ATXN1L: variants seen among roughly 807,000 people sequenced by gnomAD.
The protein encoded by ATXN1L is ataxin 1 like.
Under a neutral mutation model 43.4 loss-of-function variants are expected in ATXN1L, and 8 were observed. The observed-to-expected ratio is 0.18, with a 90% CI of 0.11 to 0.33. ATXN1L has a LOEUF of 0.33. ATXN1L is among the 10% of genes least tolerant of loss of function. ATXN1L has a pLI of 1.00. For missense variants in ATXN1L, 856 were observed against 885.4 expected (o/e 0.97, Z 0.42); for synonymous variants, 379 against 360.6 (o/e 1.05, Z -0.58).
In ATXN1L at chr16:71,850,322, G is replaced by A. The variant is rs1194464002; in HGVS notation, c.582G>A (p.Pro194=). 3.9e-6 allele frequency: 6 copies of A among 1,551,274 alleles called. No homozygotes were observed. Among genetic ancestry groups the A allele is most frequent in the African/African-American group, 1.4e-5 (1 of 72,902 alleles). ...CTCCTCCCCCACAGGCTCCCTCCCC[G>A]GCCCACTCATTTAACAAAGCTCCCT... ...GATPPPQAPS[P]AHSFNKAPSA... Residue 194 remains proline, a synonymous_variant, in exon 3 of 3, where the codon CCG becomes CCA. Coordinates refer to ENST00000427980, the MANE Select transcript of ATXN1L (RefSeq NM_001137675.4).
Position 71,850,030 on chromosome 16 carries a change from T to C in ATXN1L, c.290T>C (p.Leu97Pro), listed in dbSNP as rs554712997. Residue 97 changes from leucine to proline, a missense_variant, in exon 3 of 3, where the codon CTC becomes CCC. Around this residue, in one of 7 missense-constraint regions of ATXN1L, gnomAD observed 93 missense variants for 113.4 expected, o/e 0.82. Coordinates refer to ENST00000427980, the MANE Select transcript of ATXN1L (RefSeq NM_001137675.4). Reference protein sequence around the residue: ...VPPATFSPTGLPSVVNMSPLP... With the variant: ...VPPATFSPTGPPSVVNMSPLP... ...CCTGCCACCTTTTCACCAACTGGAC[T>C]CCCATCTGTGGTGAATATGAGTCCC... 20 of 1,551,676 alleles carry C rather than the reference T, an allele frequency of 1.3e-5. No individual in the cohort carries two copies. Among genetic ancestry groups the C allele is most frequent in the Non-Finnish European group, 1.6e-5 (18 of 1,146,996 alleles).
chr16:71,855,570 T>G lies in ATXN1L; in HGVS notation c.*3760T>G, dbSNP rs11867138. On this transcript the variant is annotated 3_prime_UTR_variant, in exon 3 of 3. Coordinates refer to ENST00000427980, the MANE Select transcript of ATXN1L (RefSeq NM_001137675.4). Reference sequence around the variant, plus strand: ...TTTAGGGGGAAGCACAGGATGGTGGTGTGGTTTAAACCTGCAGCAAGCAGG... The same window carrying G: ...TTTAGGGGGAAGCACAGGATGGTGGGGTGGTTTAAACCTGCAGCAAGCAGG... 6.0e-6 allele frequency: 1 copy of G among 167,068 alleles called. No individual in the cohort carries two copies. Among genetic ancestry groups the G allele is most frequent in the Non-Finnish European group, 1.5e-5 (1 of 68,132 alleles). 10.3% of individuals were successfully genotyped at this position (167,068 alleles called of 1,614,324 possible). A position where few individuals can be genotyped will look rare whatever the true frequency, so the allele number is the denominator to read the frequency against.
rs1467782774 is a variant in ATXN1L at position 71,849,685 on chromosome 16, G to A, written c.-56G>A. ...GGGAAGCTACAGAGAAGCCCCTTCTGATGCCCCAGGGAGCAAGTCGACTCC... is the reference window on the plus strand; with the variant it reads ...GGGAAGCTACAGAGAAGCCCCTTCTAATGCCCCAGGGAGCAAGTCGACTCC... On this transcript the variant is annotated 5_prime_UTR_variant, in exon 3 of 3. The change abolishes the stop of an existing upstream ORF in the 5' untranslated region. Transcript: ENST00000427980. 4 of 1,452,750 alleles carry A rather than the reference G, an allele frequency of 2.8e-6. No homozygotes were observed. Among genetic ancestry groups the A allele is most frequent in the Non-Finnish European group, 3.6e-6 (4 of 1,099,824 alleles). 90.0% of individuals were successfully genotyped at this position (1,452,750 alleles called of 1,614,324 possible).
rs537415859 is a variant in ATXN1L, at chr16:71,851,813, C to G, written c.*3C>G. 2.1e-6 allele frequency: 3 copies of G among 1,430,416 alleles called. No homozygotes were observed. The highest frequency in any genetic ancestry group is 2.5e-5 in the East Asian group (1 of 39,394). The allele number at this position is 1,430,416 out of a possible 1,614,324, so 88.6% of individuals were successfully genotyped here. On this transcript the variant is annotated 3_prime_UTR_variant, in exon 3 of 3. Transcript: ENST00000427980. This position sits in a 1 kb window ranked among gnomAD's most constrained non-coding sequence, Gnocchi z 4.9. Reference sequence around the variant, plus strand: ...GGCGTTCCAATGCGGGAAAATGAACCTCTTCCCCAGACCAGGACTGGGGCT... The same window carrying G: ...GGCGTTCCAATGCGGGAAAATGAACGTCTTCCCCAGACCAGGACTGGGGCT...
At chr16:71,847,350 A>G (rs1397015477) in intron 1 of ATXN1L, among the ~76,000 whole-genome samples, 1 of 152,146 alleles carries the variant, frequency 6.6e-6, no homozygotes, top group East Asian at 1.9e-4. Flanking sequence ...GGACCAAGGC[A>G]ATATTTTCAG....
At position 71,849,704 on chromosome 16, in the gene ATXN1L, C is replaced by G. The variant is rs1179015353; in HGVS notation, c.-37C>G. ...CCTTCTGATGCCCCAGGGAGCAAGT[C>G]GACTCCTTCCAGGCTCCAGGAACAC... On this transcript the variant is annotated 5_prime_UTR_variant, in exon 3 of 3. Transcript: ENST00000427980. 2 of 1,462,458 alleles carry G rather than the reference C, an allele frequency of 1.4e-6. No individual in the cohort carries two copies. Among genetic ancestry groups the G allele is most frequent in the East Asian group, 5.0e-5 (2 of 40,092 alleles). The allele number at this position is 1,462,458 out of a possible 1,614,324, so 90.6% of individuals were successfully genotyped here.
At position 71,852,235 on chromosome 16, in the gene ATXN1L, T is replaced by G. The variant is rs1377041679; in HGVS notation, c.*425T>G. The G allele has an allele frequency of 5.9e-6, 1 of 169,196 alleles. No homozygotes were observed. Among genetic ancestry groups the G allele is most frequent in the East Asian group, 1.9e-4 (1 of 5,272 alleles). 10.5% of individuals were successfully genotyped at this position (169,196 alleles called of 1,614,324 possible). On this transcript the variant is annotated 3_prime_UTR_variant, in exon 3 of 3. Coordinates refer to ENST00000427980, the MANE Select transcript of ATXN1L (RefSeq NM_001137675.4). ...AGTAGCAGTTAAACTGTCAGAAGTT[T>G]TTTTTCTTTTTTGTGGTAGAAGGGC...
chr16:71,856,226 G>A lies in ATXN1L; in HGVS notation c.*4416G>A, dbSNP rs1271547508. 6.0e-6 allele frequency: 1 copy of A among 167,120 alleles called. No homozygotes were observed. Among genetic ancestry groups the A allele is most frequent in the Admixed American group, 6.5e-5 (1 of 15,278 alleles). The allele number at this position is 167,120 out of a possible 1,614,324, so 10.4% of individuals were successfully genotyped here. ...TTTCACACTAAAGGTTTCTTTATTAGTTCTCCAGTTAAACCTAGATCCCTC... is the reference window on the plus strand; with the variant it reads ...TTTCACACTAAAGGTTTCTTTATTAATTCTCCAGTTAAACCTAGATCCCTC... On this transcript the variant is annotated 3_prime_UTR_variant, in exon 3 of 3. Coordinates refer to ENST00000427980, the MANE Select transcript of ATXN1L (RefSeq NM_001137675.4).
chr16:71,851,426 A>C lies in ATXN1L; in HGVS notation c.1686A>C (p.Gln562His), dbSNP rs1410878853. The change falls in exon 3 of 3, where the codon CAA becomes CAC. Residue 562 changes from glutamine (Q) to histidine (H), a missense_variant. Physicochemically the swap from Gln to His is conservative, Grantham distance 24. Around this residue, in one of 7 missense-constraint regions of ATXN1L, gnomAD observed 185 missense variants for 176.8 expected, o/e 1.05. Transcript: ENST00000427980. The surrounding 1 kb of genome is among the most constrained non-coding windows in gnomAD (Gnocchi z 4.9). Reference protein sequence around the residue: ...WSSCSPGRTTQLFSLPCHRLQ... With the variant: ...WSSCSPGRTTHLFSLPCHRLQ... ...CTTGCAGCCCTGGGCGGACGACACA[A>C]CTCTTCTCTCTGCCCTGCCATCGGC... 3.2e-6 allele frequency: 5 copies of C among 1,550,530 alleles called. No homozygotes were observed. The highest frequency in any genetic ancestry group is 4.4e-6 in the Non-Finnish European group (5 of 1,146,758).
intron 2 of ATXN1L, among the ~76,000 whole-genome samples, chr16:71,849,145 C>T (rs71386937): frequency 7.7e-6 from 1 of 130,530 alleles, no homozygotes; most frequent in East Asian, 2.6e-4. Context: ...ACCCGGGAGG[C>T]GAGGTTGCGG....
At position 71,851,033 on chromosome 16, in the gene ATXN1L, T is replaced by C. The variant is rs1259068304; in HGVS notation, c.1293T>C (p.Pro431=). ...CTGGAACTGACTCAGGCCTGCTGCC[T>C]GTGGGCTCGGAGATCCTGGTAGCAT... is the stretch of plus-strand genomic sequence containing the variant. ...VPTGTDSGLL[P]VGSEILVASS... is the part of the protein sequence containing the mutation. Residue 431 remains proline (P), a synonymous_variant, in exon 3 of 3, where the codon CCT becomes CCC. Transcript: ENST00000427980. The surrounding 1 kb of genome is among the most constrained non-coding windows in gnomAD (Gnocchi z 4.9). 2 of 1,551,422 alleles carry C rather than the reference T, an allele frequency of 1.3e-6. No homozygotes were observed. The highest frequency in any genetic ancestry group is 2.0e-5 in the Admixed American group (1 of 50,966).
intron 2 of ATXN1L, among the ~76,000 whole-genome samples, chr16:71,849,104 C>T (rs2033470998): frequency 6.7e-6 from 1 of 148,190 alleles, no homozygotes; most frequent in South Asian, 2.2e-4. Flanking sequence ...GTCCCAGCTG[C>T]TTGGGAGGCT....
chr16:71,849,976 A>G lies in ATXN1L; in HGVS notation c.236A>G (p.Tyr79Cys), dbSNP rs1182986392. The change falls in exon 3 of 3, where the codon TAT (tyrosine) becomes TGT (cysteine). Residue 79 changes from tyrosine to cysteine, a missense_variant. Physicochemically the swap from Tyr to Cys is radical, Grantham distance 194. Transcript: ENST00000427980. Reference protein sequence around the residue: ...EAITGLTVDQYGMLYKVAVPP... With the variant: ...EAITGLTVDQCGMLYKVAVPP... ...ATCACCGGTCTGACAGTGGACCAGT[A>G]TGGCATGCTGTATAAGGTGGCTGTG... The G allele has an allele frequency of 6.4e-7, 1 of 1,551,634 alleles. No homozygotes were observed. Among genetic ancestry groups the G allele is most frequent in the Non-Finnish European group, 8.7e-7 (1 of 1,146,958 alleles).
rs1164265873 is a variant in ATXN1L at position 71,849,993 on chromosome 16, G to A, written c.253G>A (p.Val85Met). The change falls in exon 3 of 3, where the codon GTG becomes ATG. Residue 85 changes from valine to methionine, a missense_variant. This residue lies in a region of ATXN1L where 93 missense variants were observed against 113.4 expected (regional missense o/e 0.82). Coordinates refer to ENST00000427980, the MANE Select transcript of ATXN1L (RefSeq NM_001137675.4). ...TVDQYGMLYK[V>M]AVPPATFSPT... ...GGACCAGTATGGCATGCTGTATAAG[G>A]TGGCTGTGCCGCCTGCCACCTTTTC... The A allele has an allele frequency of 6.4e-7, 1 of 1,551,668 alleles. No individual in the cohort carries two copies. The highest frequency in any genetic ancestry group is 2.0e-5 in the Admixed American group (1 of 50,990).
intron 2 of ATXN1L, 145 bp downstream of exon 2, chr16:71,848,216 G>C: frequency 2.7e-6 from 1 of 373,330 alleles, no homozygotes; most frequent in South Asian, 2.0e-5. Flanking sequence ...CAAAGTTCAT[G>C]TGCACTGAAG....
chr16:71,850,520 G>A lies in ATXN1L; in HGVS notation c.780G>A (p.Gln260=). ...CAGTTCTTACCCCTCAGGAGAGCCA[G>A]TCTGCTCTGGAAGCAGCTGCTGCAA... The part of the protein sequence containing the change: ...ASPVLTPQES[Q]SALEAAAANG... The change falls in exon 3 of 3, where the codon CAG becomes CAA. Residue 260 remains glutamine (Q), a synonymous_variant. Coordinates refer to ENST00000427980, the MANE Select transcript of ATXN1L (RefSeq NM_001137675.4). The A allele has an allele frequency of 6.4e-7, 1 of 1,551,742 alleles. No individual in the cohort carries two copies. Among genetic ancestry groups the A allele is most frequent in the Non-Finnish European group, 8.7e-7 (1 of 1,146,998 alleles).
At position 71,854,314 on chromosome 16, in the gene ATXN1L, AAG is replaced by A. The variant is rs1014113076; in HGVS notation, c.*2508_*2509del. 32 of 167,256 alleles carry A rather than the reference AAG, an allele frequency of 1.9e-4. No individual in the cohort carries two copies. Among genetic ancestry groups the A allele is most frequent in the African/African-American group, 7.0e-4 (29 of 41,592 alleles). The allele number at this position is 167,256 out of a possible 1,614,324, so 10.4% of individuals were successfully genotyped here. A position where few individuals can be genotyped will look rare whatever the true frequency, so the allele number is the denominator to read the frequency against. ...CTGGTAACTTCCACTGAATTCTGGA[AAG>A]AGAAATTCTTGAGGACCCTGGCAAG... is the stretch of plus-strand genomic sequence containing the variant. On this transcript the variant is annotated 3_prime_UTR_variant, in exon 3 of 3. Transcript: ENST00000427980.
Position 71,850,784 on chromosome 16 carries a change from C to G in ATXN1L, c.1044C>G (p.Asp348Glu), listed in dbSNP as rs2033492953. 2 of 1,551,706 alleles carry G rather than the reference C, an allele frequency of 1.3e-6. No individual in the cohort carries two copies. The highest frequency in any genetic ancestry group is 1.7e-6 in the Non-Finnish European group (2 of 1,146,990). ...QRVVGALASQ[D>E]YRVVAAQRKE... The stretch of plus-strand genomic sequence containing the variant: ...TGGTTGGCGCTTTAGCTTCTCAGGA[C>G]TATCGTGTGGTGGCAGCTCAGAGGA... Residue 348 changes from aspartate (D) to glutamate (E), a missense_variant, in exon 3 of 3, where the codon GAC (aspartate) becomes GAG (glutamate). Around this residue, in one of 7 missense-constraint regions of ATXN1L, gnomAD observed 490 missense variants for 449.4 expected, o/e 1.09. Transcript: ENST00000427980.
At chr16:71,846,421 C>G (rs1011874396) in intron 1 of ATXN1L, among the ~76,000 whole-genome samples, 4 of 152,212 alleles carry the variant, frequency 2.6e-5, no homozygotes, top group Non-Finnish European at 5.9e-5. Flanking sequence ...AAGGGTGGAC[C>G]CCCTACTCTC....
Sources: gnomAD v4.1 joint callset for allele counts (sites outside exome capture counted in the v4.1 genomes callset) on GRCh38, gnomAD v4.1.1 for gene constraint, gnomAD v4.1.1 regional missense constraint, Gnocchi (gnomAD v3.1) non-coding constraint, MANE v1.5 for transcripts, NCBI Gene and HGNC (gene_info 2026-07-23, HGNC 2026-07-21) for gene names.